CTNNA2: variants seen among roughly 807,000 people sequenced by gnomAD.
The protein encoded by CTNNA2 is catenin alpha-2.
A neutral mutation model predicts 101.0 loss-of-function variants in CTNNA2; 42 were observed. The observed-to-expected ratio is 0.42, with a 90% CI of 0.32 to 0.54. The LOEUF (loss-of-function observed/expected upper bound fraction) is 0.54. CTNNA2 is among the 20% of genes least tolerant of loss of function. The pLI is 0.14. For synonymous variants in CTNNA2, 450 were observed against 456.4 expected (o/e 0.99, Z 0.18); for missense variants, 871 against 1,223.1 (o/e 0.71, Z 4.29).
intron 7 of CTNNA2, among the ~76,000 whole-genome samples, chr2:80,193,856 A>G (rs1706677049): frequency 6.6e-6 from 1 of 152,194 alleles, no homozygotes; most frequent in Non-Finnish European, 1.5e-5. Flanking sequence ...ATGTCTGGCC[A>G]TGAGGACAGG....
chr2:79,576,165 T>C (rs113492017), intron 1 of CTNNA2, among the ~76,000 whole-genome samples: 67 of 152,358 alleles, frequency 4.4e-4, no homozygotes, highest in African/African-American at 1.4e-3. Context: ...TTCTAAATGA[T>C]ATCCAAAATT....
At chr2:79,800,145 A>C (rs978428118) in intron 3 of CTNNA2, among the ~76,000 whole-genome samples, 14 of 152,372 alleles carry the variant, frequency 9.2e-5, no homozygotes, top group African/African-American at 3.4e-4. Flanking sequence ...GAACTCTTTA[A>C]GATGCAGAGT....
Position 80,183,574 on chromosome 2 carries a change from G to C in CTNNA2, c.1057-209637G>C, listed in dbSNP as rs528378590. ...GGGTAAACTTGAAAGCCCGCCTTCT[G>C]TTCAATGCTGCCCCAGACAAATAAG... On this transcript the variant is annotated intron_variant, in intron 7 of 18. Transcript: ENST00000402739. 4.6e-5 allele frequency among the ~76,000 whole-genome samples: 7 copies of C among 152,232 alleles called. No individual in the cohort carries two copies. The South Asian group carries it at 1.5e-3, about 32-fold the overall frequency.
At chr2:80,023,209 T>G (rs1694696457) in intron 7 of CTNNA2, among the ~76,000 whole-genome samples, 2 of 152,230 alleles carry the variant, frequency 1.3e-5, no homozygotes, top group Admixed American at 1.3e-4. Context: ...CTAACTTGTT[T>G]TTCTTCTTGT....
intron 1 of CTNNA2, among the ~76,000 whole-genome samples, chr2:79,189,115 C>T (rs528638473): frequency 1.1e-4 from 16 of 152,224 alleles, no homozygotes; most frequent in South Asian, 6.2e-4. Context: ...GTTAGACCCA[C>T]GTTGGCACAC....
At chr2:80,062,990 C>G (rs1383543837) in intron 7 of CTNNA2, among the ~76,000 whole-genome samples, 1 of 152,166 alleles carries the variant, frequency 6.6e-6, no homozygotes, top group Non-Finnish European at 1.5e-5. Context: ...CAGGCGTGAG[C>G]CACCGCGCCC....
At chr2:79,271,392 A>C (rs1675079497) in intron 2 of CTNNA2, among the ~76,000 whole-genome samples, 1 of 152,090 alleles carries the variant, frequency 6.6e-6, no homozygotes, top group South Asian at 2.1e-4. Context: ...ATAACAGATA[A>C]GGAAAACAGA....
At chr2:79,447,314 A>T (rs788676) in intron 4 of CTNNA2, among the ~76,000 whole-genome samples, 101,426 of 151,824 alleles carry the variant, frequency 0.67, 34,385 homozygotes, top group African/African-American at 0.78. Context: ...AAAGGACGTT[A>T]GCCTTATGCT....
intron 6 of CTNNA2, among the ~76,000 whole-genome samples, chr2:79,894,692 C>T (rs1391907566): frequency 6.6e-6 from 1 of 152,060 alleles, no homozygotes; most frequent in Non-Finnish European, 1.5e-5. Context: ...TTTTTTGAAA[C>T]CTTTCCTAAC....
At chr2:79,835,877 T>C (rs2974181) in intron 3 of CTNNA2, among the ~76,000 whole-genome samples, 135,777 of 151,764 alleles carry the variant, frequency 0.89, 60,849 homozygotes, top group Non-Finnish European at 0.91. Context: ...GTGATCCACC[T>C]GCCTCGGCAT....
chr2:80,255,211 G>T (rs1471515497), intron 7 of CTNNA2, among the ~76,000 whole-genome samples: 1 of 152,098 alleles, frequency 6.6e-6, no homozygotes, highest in East Asian at 1.9e-4. Flanking sequence ...TTACATCTGT[G>T]TTATTCTTTC....
chr2:79,748,159 T>C (rs1671767445), intron 3 of CTNNA2, among the ~76,000 whole-genome samples: 2 of 152,188 alleles, frequency 1.3e-5, no homozygotes, highest in Admixed American at 1.3e-4. Flanking sequence ...CCTTAGCTTA[T>C]CTGGCTTTAG....
intron 9 of CTNNA2, among the ~76,000 whole-genome samples, chr2:80,497,260 T>C (rs900318871): frequency 2.0e-4 from 31 of 152,196 alleles, no homozygotes; most frequent in African/African-American, 7.2e-4. Context: ...TTGAGGACAG[T>C]ATGAAAATTC....
chr2:79,745,373 G>A (rs969220924), intron 3 of CTNNA2, among the ~76,000 whole-genome samples: 5 of 152,138 alleles, frequency 3.3e-5, no homozygotes, highest in African/African-American at 1.2e-4. Context: ...GGAGGTTGCA[G>A]TGAGCCAAGA....
At chr2:79,912,362 G>A (rs1685865933) in intron 7 of CTNNA2, among the ~76,000 whole-genome samples, 1 of 152,232 alleles carries the variant, frequency 6.6e-6, no homozygotes, top group South Asian at 2.1e-4. Flanking sequence ...TCTTCATGGA[G>A]CATGGGCTAT....
intron 8 of CTNNA2, among the ~76,000 whole-genome samples, chr2:80,401,634 C>G (rs915270429): frequency 1.3e-5 from 2 of 152,144 alleles, no homozygotes; most frequent in Non-Finnish European, 2.9e-5. Flanking sequence ...ATAGATGGAA[C>G]TTTCAGACCT....
intron 9 of CTNNA2, among the ~76,000 whole-genome samples, chr2:80,533,983 A>G (rs189946936): frequency 2.0e-5 from 3 of 152,146 alleles, no homozygotes; most frequent in Admixed American, 6.6e-5. Flanking sequence ...GTTTTTATAT[A>G]TGAAGGGCAT....
intron 2 of CTNNA2, among the ~76,000 whole-genome samples, chr2:79,726,696 A>T (rs1290010706): frequency 6.6e-6 from 1 of 152,222 alleles, no homozygotes; most frequent in Non-Finnish European, 1.5e-5. Flanking sequence ...TACACTTTAC[A>T]GATCAAAATA....
intron 1 of CTNNA2, among the ~76,000 whole-genome samples, chr2:79,559,839 GA>G (rs1558730192): frequency 6.6e-6 from 1 of 151,498 alleles, no homozygotes; most frequent in Admixed American, 6.6e-5. Context: ...TAACTATAAC[GA>G]AAAAACTACC....
Sources: gnomAD v4.1 joint callset for allele counts (sites outside exome capture counted in the v4.1 genomes callset) on GRCh38, gnomAD v4.1.1 for gene constraint, MANE v1.5 for transcripts, NCBI Gene and HGNC (gene_info 2026-07-23, HGNC 2026-07-21) for gene names.